The following NRXN1 variants were observed in gnomAD, a reference collection of about 807,000 sequenced individuals.
The protein encoded by NRXN1 is neurexin-1.
In NRXN1, 39 loss-of-function variants were observed where a neutral mutation model predicts 150.9. The ratio of observed to expected loss-of-function variants is 0.26; its 90% CI spans 0.20 to 0.34. The LOEUF (loss-of-function observed/expected upper bound fraction) is 0.34, where lower values mean the gene tolerates loss of function less well. NRXN1 is among the 10% of genes least tolerant of loss of function. NRXN1 has a pLI of 1.00. For missense variants in NRXN1, 1,815 were observed against 1,949.9 expected (o/e 0.93, Z 1.30); for synonymous variants, 924 against 757.0 (o/e 1.22, Z -3.62).
At chr2:50,206,492 T>A (rs559492554) in intron 18 of NRXN1, among the ~76,000 whole-genome samples, 1 of 152,130 alleles carries the variant, frequency 6.6e-6, no homozygotes, top group African/African-American at 2.4e-5. Flanking sequence ...CCTCATTATA[T>A]CCCTTTGGAG....
At chr2:50,856,856 A>G (rs561775807) in intron 5 of NRXN1, among the ~76,000 whole-genome samples, 51 of 152,194 alleles carry the variant, frequency 3.4e-4, no homozygotes, top group Middle Eastern at 3.4e-3. Context: ...ATCCCTATGG[A>G]CATGATTAGT....
chr2:50,258,837 T>G (rs537468203), intron 17 of NRXN1, among the ~76,000 whole-genome samples: 1 of 152,152 alleles, frequency 6.6e-6, no homozygotes, highest in South Asian at 2.1e-4. Flanking sequence ...TTAATCCCCA[T>G]GTATATCTCC....
At chr2:49,977,358 G>C (rs1216878232) in intron 21 of NRXN1, among the ~76,000 whole-genome samples, 2 of 152,140 alleles carry the variant, frequency 1.3e-5, no homozygotes, top group Admixed American at 1.3e-4. Context: ...GCATCCAGTG[G>C]ATAGTGGCCA....
intron 18 of NRXN1, among the ~76,000 whole-genome samples, chr2:50,109,592 T>TA (rs796264572): frequency 0.033 from 4,744 of 144,184 alleles, 147 homozygotes; most frequent in African/African-American, 0.086. Flanking sequence ...AAAGGATCCT[T>TA]AAAAAAAAAA....
At chr2:50,152,557 A>G (rs774549312) in intron 18 of NRXN1, among the ~76,000 whole-genome samples, 1 of 151,692 alleles carries the variant, frequency 6.6e-6, no homozygotes, top group Admixed American at 6.6e-5. Context: ...TTTCTCCTTC[A>G]CTTTCAAAGA....
At chr2:50,470,357 C>A (rs2089341379) in intron 16 of NRXN1, among the ~76,000 whole-genome samples, 1 of 151,574 alleles carries the variant, frequency 6.6e-6, no homozygotes, top group Admixed American at 6.6e-5. Flanking sequence ...TTATGTTTTA[C>A]AGAGGCATTA....
At chr2:50,656,944 C>T (rs908041779) in intron 5 of NRXN1, among the ~76,000 whole-genome samples, 1 of 151,970 alleles carries the variant, frequency 6.6e-6, no homozygotes, top group African/African-American at 2.4e-5. Context: ...AATAATAACT[C>T]AGAAATAAAC....
At chr2:50,295,341 T>C (rs573967149) in intron 17 of NRXN1, among the ~76,000 whole-genome samples, 31 of 152,300 alleles carry the variant, frequency 2.0e-4, no homozygotes, top group African/African-American at 7.5e-4. Flanking sequence ...GTCCTACAAA[T>C]GTGACACAAG....
intron 13 of NRXN1, among the ~76,000 whole-genome samples, chr2:50,499,923 G>A (rs1175624961): frequency 6.7e-6 from 1 of 148,986 alleles, no homozygotes; most frequent in Non-Finnish European, 1.5e-5. Flanking sequence ...CCTCCAGCCT[G>A]GGCAACAGAG....
chr2:50,668,535 C>T (rs1401795292), intron 5 of NRXN1, among the ~76,000 whole-genome samples: 1 of 151,990 alleles, frequency 6.6e-6, no homozygotes, highest in Non-Finnish European at 1.5e-5. Flanking sequence ...ACTATCTGTA[C>T]AATTGGTACA....
intron 18 of NRXN1, among the ~76,000 whole-genome samples, chr2:50,100,010 T>C (rs1474463612): frequency 6.6e-6 from 1 of 152,122 alleles, no homozygotes; most frequent in Non-Finnish European, 1.5e-5. Flanking sequence ...AAAATTTAGA[T>C]ATTACTAGTT....
intron 2 of NRXN1, among the ~76,000 whole-genome samples, chr2:50,984,134 A>ATTTTTT (rs70958636): frequency 1.2e-4 from 9 of 72,808 alleles, no homozygotes; most frequent in East Asian, 5.4e-4. Flanking sequence ...CGCCAGGCTA[A>ATTTTTT]TTTTTTTTTT....
At chr2:50,045,494 G>A (rs1691662008) in intron 21 of NRXN1, among the ~76,000 whole-genome samples, 1 of 152,012 alleles carries the variant, frequency 6.6e-6, no homozygotes, top group South Asian at 2.1e-4. Context: ...ACAGGCGCGT[G>A]CCACCATGCC....
intron 21 of NRXN1, among the ~76,000 whole-genome samples, chr2:50,015,356 G>GTTT (rs1686401169): frequency 6.6e-6 from 1 of 151,898 alleles, no homozygotes; most frequent in Admixed American, 6.6e-5. Context: ...TGATGTGGAA[G>GTTT]TTTTGCAAAT....
chr2:50,122,989 G>C (rs182792940), intron 18 of NRXN1, among the ~76,000 whole-genome samples: 45 of 152,232 alleles, frequency 3.0e-4, no homozygotes, highest in African/African-American at 1.1e-3. Flanking sequence ...CTGTTTGCTA[G>C]AGCGATAGAT....
chr2:50,466,324 A>C, intron 16 of NRXN1: 2 of 367,968 alleles, frequency 5.4e-6, no homozygotes, highest in South Asian at 4.2e-5. Context: ...GGCTTCTTGC[A>C]CAACGTTCAA....
At position 50,621,269 on chromosome 2, in the gene NRXN1, G is replaced by C; in HGVS notation, c.1135-20C>G. 1 of 1,554,256 alleles carries C rather than the reference G, an allele frequency of 6.4e-7. No homozygotes were observed. The highest frequency in any genetic ancestry group is 8.7e-7 in the Non-Finnish European group (1 of 1,144,252). On this transcript the variant is annotated intron_variant, in intron 6 of 22. Coordinates refer to ENST00000401669, the MANE Select transcript of NRXN1 (RefSeq NM_001330078.2). ...TGAGTGCTTTGTGGAGAAGGGGGGA[G>C]AAAGGAAATTAAAAACTGTGAACAG...
At chr2:50,290,616 A>C (rs933882539) in intron 17 of NRXN1, among the ~76,000 whole-genome samples, 1 of 152,162 alleles carries the variant, frequency 6.6e-6, no homozygotes. Context: ...CAAGCTCTCC[A>C]TGAAGGAGGC....
intron 18 of NRXN1, among the ~76,000 whole-genome samples, chr2:50,123,603 T>A (rs755719341): frequency 1.3e-5 from 2 of 152,124 alleles, no homozygotes; most frequent in African/African-American, 2.4e-5. Flanking sequence ...TGGGAATAGG[T>A]TGAAAAGCAT....
Sources: allele counts gnomAD v4.1 joint callset (sites outside exome capture counted in the v4.1 genomes callset), GRCh38; gene constraint gnomAD v4.1.1; transcripts MANE v1.5; gene names NCBI Gene and HGNC (gene_info 2026-07-23, HGNC 2026-07-21).